CNTN4: variants seen among roughly 807,000 people sequenced by gnomAD.
CNTN4 encodes the protein contactin-4.
CNTN4 carries 77 observed loss-of-function variants against 122.5 expected under a neutral mutation model. The ratio of observed to expected loss-of-function variants is 0.63; its 90% CI spans 0.52 to 0.76. The LOEUF is 0.76. Ranked by LOEUF, CNTN4 falls within the 30% of genes least tolerant of loss-of-function variation. CNTN4 has a pLI of 0.00. For missense variants in CNTN4, 1,256 were observed against 1,259.1 expected, an observed-to-expected ratio of 1.00 and a Z score of 0.04; for synonymous variants, 512 against 447.0, an observed-to-expected ratio of 1.15 and a Z score of -1.83.
intron 7 of CNTN4, among the ~76,000 whole-genome samples, chr3:2,865,831 AT>A (rs2093718007): frequency 6.6e-6 from 1 of 152,182 alleles, no homozygotes; most frequent in Admixed American, 6.5e-5. Flanking sequence ...TTCATAAAAC[AT>A]TTACCTAATT....
chr3:2,528,217 C>T (rs370091179), intron 3 of CNTN4, among the ~76,000 whole-genome samples: 2 of 152,144 alleles, frequency 1.3e-5, no homozygotes, highest in African/African-American at 4.8e-5. Context: ...CCTCCTTTCC[C>T]CATGGATGTT....
chr3:2,425,552 G>A (rs937945613), intron 3 of CNTN4, among the ~76,000 whole-genome samples: 3 of 152,088 alleles, frequency 2.0e-5, no homozygotes, highest in Admixed American at 6.6e-5. Context: ...TTGGCAATGT[G>A]GGCTCTTTTT....
chr3:2,331,984 G>T (rs910862480), intron 2 of CNTN4, among the ~76,000 whole-genome samples: 4 of 152,178 alleles, frequency 2.6e-5, no homozygotes, highest in Admixed American at 6.5e-5. Context: ...TTTCTCCGTG[G>T]TAAGTAAAGC....
intron 17 of CNTN4, among the ~76,000 whole-genome samples, chr3:3,036,748 CAGAG>C (rs10617900): frequency 0.46 from 66,663 of 144,648 alleles, 15,042 homozygotes; most frequent in African/African-American, 0.48. Context: ...CCCTGGGCAT[CAGAG>C]AGAGAGAGAG....
intron 2 of CNTN4, among the ~76,000 whole-genome samples, chr3:2,179,024 C>T (rs1219738122): frequency 6.6e-6 from 1 of 151,954 alleles, no homozygotes; most frequent in Admixed American, 6.6e-5. Flanking sequence ...GTCCCTGATC[C>T]TCCTGCCATC....
chr3:2,932,305 A>G (rs548038330), intron 13 of CNTN4, among the ~76,000 whole-genome samples: 38 of 152,178 alleles, frequency 2.5e-4, no homozygotes, highest in South Asian at 2.3e-3. Context: ...GTGAACCCAG[A>G]AGGCGGAGCT....
intron 3 of CNTN4, among the ~76,000 whole-genome samples, chr3:2,383,798 T>C (rs1398882678): frequency 6.7e-6 from 1 of 149,832 alleles, no homozygotes; most frequent in Non-Finnish European, 1.5e-5. Flanking sequence ...TTCTTTCCTC[T>C]CTTCTCCCTC....
At chr3:2,826,158 A>G (rs2092983910) in intron 7 of CNTN4, among the ~76,000 whole-genome samples, 1 of 152,184 alleles carries the variant, frequency 6.6e-6, no homozygotes, top group Admixed American at 6.5e-5. Context: ...TTATTTGTAT[A>G]TAGCAGAAAA....
chr3:2,219,350 T>C (rs2038971887), intron 2 of CNTN4, among the ~76,000 whole-genome samples: 1 of 152,354 alleles, frequency 6.6e-6, no homozygotes, highest in Non-Finnish European at 1.5e-5. Flanking sequence ...TCTAGAAATA[T>C]GCATGAACCA....
At chr3:2,348,348 T>G (rs1045001914) in intron 3 of CNTN4, among the ~76,000 whole-genome samples, 1 of 152,214 alleles carries the variant, frequency 6.6e-6, no homozygotes, top group African/African-American at 2.4e-5. Context: ...TTTTCTACCT[T>G]CTTTTCATGG....
intron 2 of CNTN4, among the ~76,000 whole-genome samples, chr3:2,180,175 T>C (rs1236010613): frequency 5.3e-5 from 8 of 152,038 alleles, no homozygotes; most frequent in African/African-American, 1.9e-4. Flanking sequence ...CCTAATCTGG[T>C]AAATAATACA....
chr3:2,578,155 C>G (rs1318712913), intron 4 of CNTN4, among the ~76,000 whole-genome samples: 2 of 152,136 alleles, frequency 1.3e-5, no homozygotes, highest in South Asian at 2.1e-4. Context: ...AAAATATATA[C>G]AAACCTGCAA....
At chr3:2,870,332 T>C (rs1307180010) in intron 8 of CNTN4, among the ~76,000 whole-genome samples, 2 of 152,214 alleles carry the variant, frequency 1.3e-5, no homozygotes, top group Admixed American at 6.5e-5. Flanking sequence ...GCCCACTCAT[T>C]CTTAATTTCC....
At chr3:2,967,426 A>C (rs1239466385) in intron 13 of CNTN4, among the ~76,000 whole-genome samples, 1 of 152,072 alleles carries the variant, frequency 6.6e-6, no homozygotes, top group Non-Finnish European at 1.5e-5. Context: ...CATAATTTCT[A>C]ATCTTTTGGC....
At chr3:2,411,932 A>T (rs2047239313) in intron 3 of CNTN4, among the ~76,000 whole-genome samples, 1 of 152,178 alleles carries the variant, frequency 6.6e-6, no homozygotes, top group Non-Finnish European at 1.5e-5. Context: ...AAGATAGAGA[A>T]TATTTCCATT....
Position 3,057,874 on chromosome 3 carries a change from C to T in CNTN4, c.*1654C>T, listed in dbSNP as rs552823610. 1 of 152,534 alleles carries T rather than the reference C, an allele frequency of 6.6e-6. No individual in the cohort carries two copies. Among genetic ancestry groups the T allele is most frequent in the South Asian group, 2.1e-4 (1 of 4,814 alleles). 9.4% of individuals were successfully genotyped at this position (152,534 alleles called of 1,614,324 possible). ...AAAATGACACCCAGGGAGTTCCCAA[C>T]CCCAGTGTAAATGATATTTACCAGT... On this transcript the variant is annotated 3_prime_UTR_variant, in exon 25 of 25. Coordinates refer to ENST00000418658, the MANE Select transcript of CNTN4 (RefSeq NM_175607.3).
chr3:2,348,570 A>C (rs759417141), intron 3 of CNTN4, among the ~76,000 whole-genome samples: 2 of 152,100 alleles, frequency 1.3e-5, no homozygotes, highest in Non-Finnish European at 2.9e-5. Context: ...GACCTTCAGC[A>C]TTCCATTTCC....
At chr3:2,864,224 T>C (rs1177292718) in intron 7 of CNTN4, among the ~76,000 whole-genome samples, 3 of 152,192 alleles carry the variant, frequency 2.0e-5, no homozygotes, top group African/African-American at 7.2e-5. Context: ...ACCAAGAAGC[T>C]GAACATGAAG....
At chr3:2,243,969 A>T (rs1450686863) in intron 2 of CNTN4, among the ~76,000 whole-genome samples, 14 of 152,012 alleles carry the variant, frequency 9.2e-5, no homozygotes, top group Non-Finnish European at 1.5e-5. Context: ...ACTGCACTTA[A>T]TATGTTATTC....
Sources: gnomAD v4.1 joint callset for allele counts (sites outside exome capture counted in the v4.1 genomes callset) on GRCh38, gnomAD v4.1.1 for gene constraint, MANE v1.5 for transcripts, NCBI Gene and HGNC (gene_info 2026-07-23, HGNC 2026-07-21) for gene names.